Variants in DAB1 observed in about 807,000 individuals in gnomAD.
DAB1 encodes disabled homolog 1.
In DAB1, 15 loss-of-function variants were observed where a neutral mutation model predicts 64.6. The observed-to-expected ratio is 0.23, with a 90% CI of 0.16 to 0.36. The LOEUF (loss-of-function observed/expected upper bound fraction) is 0.36. Ranked by LOEUF, DAB1 falls within the 10% of genes least tolerant of loss-of-function variation. The pLI is 1.00. For missense variants in DAB1, 596 were observed against 706.7 expected (o/e 0.84, Z 1.78); for synonymous variants, 235 against 251.9 (o/e 0.93, Z 0.64).
At chr1:58,235,292 C>T (rs945634155) in intron 4 of DAB1, among the ~76,000 whole-genome samples, 1 of 152,236 alleles carries the variant, frequency 6.6e-6, no homozygotes, top group African/African-American at 2.4e-5. Context: ...TGTTCAGTAG[C>T]TTGTTGAAGG....
At chr1:57,759,464 T>C (rs1343626411) in intron 6 of DAB1, among the ~76,000 whole-genome samples, 2 of 152,188 alleles carry the variant, frequency 1.3e-5, no homozygotes, top group Non-Finnish European at 2.9e-5. Context: ...GTGGTTATAA[T>C]TATTTTGGCA....
At chr1:58,166,980 C>G (rs1655874401) in intron 4 of DAB1, among the ~76,000 whole-genome samples, 1 of 150,916 alleles carries the variant, frequency 6.6e-6, no homozygotes, top group African/African-American at 2.4e-5. Context: ...CTTCTGGCCT[C>G]AAGAAATCCA....
intron 6 of DAB1, among the ~76,000 whole-genome samples, chr1:57,807,438 C>T (rs558415124): frequency 6.6e-6 from 1 of 152,260 alleles, no homozygotes; most frequent in African/African-American, 2.4e-5. Context: ...TCCCCCAGGC[C>T]CCTGACCAAA....
chr1:57,383,617 A>C (rs1405835698), intron 1 of DAB1, among the ~76,000 whole-genome samples: 2 of 152,226 alleles, frequency 1.3e-5, no homozygotes, highest in Non-Finnish European at 2.9e-5. Flanking sequence ...CTCACATAGA[A>C]GGTCAAATGA....
chr1:58,117,888 G>T (rs1008726906), intron 5 of DAB1, among the ~76,000 whole-genome samples: 1 of 150,212 alleles, frequency 6.7e-6, no homozygotes, highest in Non-Finnish European at 1.5e-5. Flanking sequence ...TGGGCCAGGT[G>T]GGGGTACAGA....
At chr1:57,300,889 T>C (rs2100697665) in intron 1 of DAB1, among the ~76,000 whole-genome samples, 1 of 152,248 alleles carries the variant, frequency 6.6e-6, no homozygotes, top group Non-Finnish European at 1.5e-5. Flanking sequence ...CATTGATTCA[T>C]TGACTACTCA....
chr1:57,424,215 C>T (rs1480009940), upstream of DAB1, among the ~76,000 whole-genome samples: 3 of 150,276 alleles, frequency 2.0e-5, no homozygotes, highest in Non-Finnish European at 4.4e-5. Flanking sequence ...CCGGCCGCCG[C>T]CGCCGGGCCG....
intron 2 of DAB1, among the ~76,000 whole-genome samples, chr1:58,506,818 T>C (rs1645997144): frequency 6.6e-6 from 1 of 152,146 alleles, no homozygotes; most frequent in African/African-American, 2.4e-5. Context: ...TACCCAATTT[T>C]CTCAATGTAT....
At chr1:57,605,855 C>T in intron 7 of DAB1, 1 of 585,396 alleles carries the variant, frequency 1.7e-6, no homozygotes, top group South Asian at 1.6e-5. Flanking sequence ...ACTTAAGCAT[C>T]TGCAACGGTG....
intron 7 of DAB1, among the ~76,000 whole-genome samples, chr1:57,629,039 T>C (rs1420128118): frequency 6.6e-6 from 1 of 152,198 alleles, no homozygotes; most frequent in African/African-American, 2.4e-5. Context: ...TTTAAAAGAG[T>C]TCTTACAGTT....
intron 6 of DAB1, among the ~76,000 whole-genome samples, chr1:57,742,236 T>C (rs2101791756): frequency 6.6e-6 from 1 of 152,292 alleles, no homozygotes; most frequent in African/African-American, 2.4e-5. Context: ...TCTCTCACTC[T>C]CTTATTTTAC....
Position 57,290,729 on chromosome 1 carries a change from C to T in DAB1, c.67+235G>A, listed in dbSNP as rs61767387. Among the ~76,000 whole-genome samples, 1,241 of 151,950 alleles carry T rather than the reference C, an allele frequency of 8.2e-3. 30 individuals are homozygous for T. Among genetic ancestry groups the T allele is most frequent in the East Asian group, 0.079 (411 of 5,170 alleles). The stretch of plus-strand genomic sequence containing the variant: ...AAATATATGTGATCATAAAGATACT[C>T]CTTTATATCATTCCAGATATTTAAA... On this transcript the variant is annotated intron_variant, in intron 2 of 14. Transcript: ENST00000371236.
chr1:57,596,102 T>C (rs1570658778), intron 7 of DAB1, among the ~76,000 whole-genome samples: 2 of 152,226 alleles, frequency 1.3e-5, no homozygotes, highest in South Asian at 4.1e-4. Flanking sequence ...TTGTTCTGCC[T>C]TTGTTAGGCT....
At chr1:57,346,204 C>T (rs1408530579) in intron 1 of DAB1, among the ~76,000 whole-genome samples, 1 of 152,096 alleles carries the variant, frequency 6.6e-6, no homozygotes, top group Admixed American at 6.5e-5. Context: ...GCAGTTCTTA[C>T]TAATTTCAGA....
chr1:58,128,886 A>T (rs1280566559), intron 5 of DAB1, among the ~76,000 whole-genome samples: 3 of 149,494 alleles, frequency 2.0e-5, no homozygotes, highest in African/African-American at 7.4e-5. Flanking sequence ...TTTTTGCATC[A>T]ATGTTCATCA....
intron 3 of DAB1, among the ~76,000 whole-genome samples, chr1:58,373,398 C>T (rs1330059653): frequency 1.4e-5 from 2 of 146,226 alleles, no homozygotes; most frequent in Non-Finnish European, 3.0e-5. Flanking sequence ...GTTCAATTCC[C>T]ACCTATGAGT....
chr1:58,302,773 CAA>C (rs940337524), intron 4 of DAB1, among the ~76,000 whole-genome samples: 1 of 152,116 alleles, frequency 6.6e-6, no homozygotes, highest in African/African-American at 2.4e-5. Flanking sequence ...ATGAAAGTGA[CAA>C]GAGTAAATAA....
chr1:57,726,885 T>C (rs1259069367), intron 6 of DAB1, among the ~76,000 whole-genome samples: 2 of 152,180 alleles, frequency 1.3e-5, no homozygotes, highest in Non-Finnish European at 2.9e-5. Flanking sequence ...ATGATCATTC[T>C]GGCAGCAAAG....
intron 5 of DAB1, among the ~76,000 whole-genome samples, chr1:58,119,128 T>C (rs1652575528): frequency 6.6e-6 from 1 of 152,154 alleles, no homozygotes; most frequent in Non-Finnish European, 1.5e-5. Flanking sequence ...AACTACTATT[T>C]TAATAGTAGC....
Sources: gnomAD v4.1 joint callset for allele counts (sites outside exome capture counted in the v4.1 genomes callset) on GRCh38, gnomAD v4.1.1 for gene constraint, MANE v1.5 for transcripts, NCBI Gene and HGNC (gene_info 2026-07-23, HGNC 2026-07-21) for gene names.